The following SUDS3 variants were observed in gnomAD, a reference collection of about 807,000 sequenced individuals.
SUDS3 encodes the protein SIN3A corepressor complex component SDS3.
Under a neutral mutation model 53.5 loss-of-function variants are expected in SUDS3, and 23 were observed. That is an observed-to-expected ratio of 0.43 (90% CI 0.31 to 0.61). SUDS3 has a LOEUF of 0.61. SUDS3 is among the 20% of genes least tolerant of loss of function. SUDS3 has a pLI of 0.10. For synonymous variants in SUDS3, 150 were observed against 148.5 expected (o/e 1.01, Z -0.08); for missense variants, 291 against 405.9 (o/e 0.72, Z 2.43).
At chr12:118,392,058 A>G (rs1200324311) in intron 6 of SUDS3, among the ~76,000 whole-genome samples, 2 of 152,366 alleles carry the variant, frequency 1.3e-5, no homozygotes, top group South Asian at 2.1e-4. Flanking sequence ...CTAGAAGGAT[A>G]CAGGGAATTG....
chr12:118,403,571 A>G, intron 10 of SUDS3, 54 bp downstream of exon 10: 1 of 1,409,370 alleles, frequency 7.1e-7, no homozygotes. Flanking sequence ...CCACTTGGAA[A>G]GAGGGCTGGG....
At chr12:118,387,158 G>C (rs1219241644) in intron 4 of SUDS3, among the ~76,000 whole-genome samples, 3 of 152,174 alleles carry the variant, frequency 2.0e-5, no homozygotes, top group African/African-American at 7.2e-5. Flanking sequence ...AGAAAGTGGA[G>C]CCCCAGCTAT....
intron 7 of SUDS3, among the ~76,000 whole-genome samples, chr12:118,401,454 A>G (rs1434885080): frequency 1.3e-5 from 2 of 152,192 alleles, no homozygotes; most frequent in African/African-American, 4.8e-5. Flanking sequence ...TTTGGAACAA[A>G]AGCGCTTTAT....
intron 9 of SUDS3, 23 bp downstream of exon 9, chr12:118,402,027 T>G: frequency 6.2e-7 from 1 of 1,613,752 alleles, no homozygotes; most frequent in Non-Finnish European, 8.5e-7. Context: ...TGTGTTGGCA[T>G]TTGTGCAACC....
At chr12:118,400,944 A>G (rs953984368) in intron 7 of SUDS3, among the ~76,000 whole-genome samples, 190 bp downstream of exon 7, 2 of 152,168 alleles carry the variant, frequency 1.3e-5, no homozygotes, top group African/African-American at 2.4e-5. Context: ...CTCATTTGCT[A>G]CTGCTTTTGG....
At chr12:118,401,879 T>C in intron 8 of SUDS3, 59 bp downstream of exon 8, 1 of 1,604,346 alleles carries the variant, frequency 6.2e-7, no homozygotes, top group Non-Finnish European at 8.5e-7. Context: ...TTTCTGATTT[T>C]GTTTGTTAAC....
rs2045996573 is a variant in SUDS3 at position 118,376,569 on chromosome 12, G to A, written c.-123G>A. 1 of 1,201,452 alleles carries A rather than the reference G, an allele frequency of 8.3e-7. No homozygotes were observed. The highest frequency in any genetic ancestry group is 4.3e-5 in the Admixed American group (1 of 23,488). 74.4% of individuals were successfully genotyped at this position (1,201,452 alleles called of 1,614,324 possible). A position where few individuals can be genotyped will look rare whatever the true frequency, so the allele number is the denominator to read the frequency against. On this transcript the variant is annotated 5_prime_UTR_variant, in exon 1 of 12. Transcript: ENST00000543473. ...CGGAGCTCGGCGGAGACGGGGAAGGGGTCGCCGTGGCTGCCGGTCCTCGAG... is the reference window on the plus strand; with the variant it reads ...CGGAGCTCGGCGGAGACGGGGAAGGAGTCGCCGTGGCTGCCGGTCCTCGAG...
intron 10 of SUDS3, 150 bp downstream of exon 10, chr12:118,403,667 C>T: frequency 1.5e-6 from 1 of 653,978 alleles, no homozygotes; most frequent in Admixed American, 2.8e-5. Context: ...TATTAGCAGT[C>T]ATTTAATCAA....
chr12:118,394,893 G>A lies in SUDS3; in HGVS notation c.517+3611G>A, dbSNP rs575539566. ...TAGAGATAGGGTTTTGCCATGTTGC[G>A]TAGCTGGTCTTGAATTCCAAGGCTC... On this transcript the variant is annotated intron_variant, in intron 6 of 11. Transcript: ENST00000543473. Among the ~76,000 whole-genome samples the A allele has an allele frequency of 5.3e-5, 8 of 152,166 alleles. No individual in the cohort carries two copies. In the East Asian group the frequency reaches 7.7e-4, roughly 15 times the overall value.
In SUDS3 at chr12:118,401,742, C is replaced by G. The variant is rs1467851053; in HGVS notation, c.614-17C>G. On this transcript the variant is annotated splice_polypyrimidine_tract_variant and intron_variant, in intron 7 of 11. Coordinates refer to ENST00000543473, the MANE Select transcript of SUDS3 (RefSeq NM_022491.3). ...GGAAACTGTACTTTTCACATACAGT[C>G]CTTTAACTCTCAACACCCCAGCTAA... 5 of 1,610,058 alleles carry G rather than the reference C, an allele frequency of 3.1e-6. No homozygotes were observed. In the East Asian group the frequency reaches 1.1e-4, roughly 36 times the overall value.
chr12:118,389,506 G>T (rs1453921514), intron 4 of SUDS3, among the ~76,000 whole-genome samples: 1 of 151,770 alleles, frequency 6.6e-6, no homozygotes, highest in South Asian at 2.1e-4. Flanking sequence ...ATATGTTCAG[G>T]GCCACATTTT....
intron 10 of SUDS3, among the ~76,000 whole-genome samples, chr12:118,410,457 C>G (rs1443176607): frequency 6.6e-6 from 1 of 152,130 alleles, no homozygotes; most frequent in Non-Finnish European, 1.5e-5. Context: ...AGTTTTCCAA[C>G]ACTTTCCTCA....
At chr12:118,388,378 C>G (rs947311237) in intron 4 of SUDS3, among the ~76,000 whole-genome samples, 3 of 152,158 alleles carry the variant, frequency 2.0e-5, no homozygotes, top group African/African-American at 7.2e-5. Flanking sequence ...AAAGGGGCCC[C>G]TGGTAGACTG....
intron 4 of SUDS3, among the ~76,000 whole-genome samples, chr12:118,389,463 G>GT (rs1312361022): frequency 6.6e-6 from 1 of 151,788 alleles, no homozygotes; most frequent in African/African-American, 2.4e-5. Flanking sequence ...CCTGCTGCAC[G>GT]TTTTTTGCCC....
At chr12:118,376,898 C>G in intron 1 of SUDS3, 65 bp downstream of exon 1, 1 of 844,678 alleles carries the variant, frequency 1.2e-6, no homozygotes, top group South Asian at 1.8e-5. Context: ...GGGGGTGGGG[C>G]TGTTCGGGAG....
At chr12:118,385,978 T>G in intron 3 of SUDS3, 136 bp from the exon 4 acceptor site, 1 of 729,136 alleles carries the variant, frequency 1.4e-6, no homozygotes. Flanking sequence ...AGAACCAGAG[T>G]TAACTTTGCT....
chr12:118,394,762 C>T (rs2046198785), intron 6 of SUDS3, among the ~76,000 whole-genome samples: 1 of 152,152 alleles, frequency 6.6e-6, no homozygotes, highest in Admixed American at 6.5e-5. Context: ...TCGGGGCTCA[C>T]TGCAGCTCGA....
At chr12:118,403,113 G>GATTTTCATAATACTTGCC in intron 9 of SUDS3, among the ~76,000 whole-genome samples, 1 of 152,144 alleles carries the variant, frequency 6.6e-6, no homozygotes, top group Non-Finnish European at 1.5e-5. Context: ...GATCACCAGG[G>GATTTTCATAATACTTGCC]CTTTAGTCCT....
intron 4 of SUDS3, among the ~76,000 whole-genome samples, chr12:118,388,444 C>T (rs2046134295): frequency 6.6e-6 from 1 of 152,138 alleles, no homozygotes; most frequent in Admixed American, 6.5e-5. Context: ...CCCTGTCACC[C>T]AGGAAAGAGT....
Sources: allele counts gnomAD v4.1 joint callset (sites outside exome capture counted in the v4.1 genomes callset), GRCh38; gene constraint gnomAD v4.1.1; transcripts MANE v1.5; gene names NCBI Gene and HGNC (gene_info 2026-07-23, HGNC 2026-07-21).